The following RETSAT variants were observed in gnomAD, a reference collection of about 807,000 sequenced individuals.
RETSAT encodes the protein all-trans-retinol 13,14-reductase.
A neutral mutation model predicts 61.6 loss-of-function variants in RETSAT; 35 were observed. The ratio of observed to expected loss-of-function variants is 0.57; its 90% CI spans 0.43 to 0.75. The LOEUF (loss-of-function observed/expected upper bound fraction) is 0.75, where lower values mean the gene tolerates loss of function less well. Ranked by LOEUF, RETSAT falls within the 30% of genes least tolerant of loss-of-function variation. The pLI, the probability that RETSAT is intolerant of heterozygous loss-of-function variation, is 0.00. For missense variants in RETSAT, 670 were observed against 759.5 expected (o/e 0.88, Z 1.38); for synonymous variants, 277 against 310.4 (o/e 0.89, Z 1.13).
In RETSAT at chr2:85,348,580, G is replaced by A. The variant is rs557848432; in HGVS notation, c.997+804C>T. On this transcript the variant is annotated intron_variant, in intron 5 of 10. Transcript: ENST00000295802. ...CAGGAGGCGGAGCTTGCAGTGAGCC[G>A]AGATCACACCACTGGACTCCAGCCT... Among the ~76,000 whole-genome samples the A allele has an allele frequency of 6.5e-4, 82 of 125,744 alleles. 1 individual carries two copies. The highest frequency in any genetic ancestry group is 2.3e-3 in the African/African-American group (74 of 32,866). 82.5% of individuals were successfully genotyped at this position (125,744 alleles called of 152,430 possible).
At chr2:85,350,680 C>A in intron 3 of RETSAT, 100 bp downstream of exon 3, 4 of 1,367,184 alleles carry the variant, frequency 2.9e-6, no homozygotes, top group Non-Finnish European at 4.1e-6. Flanking sequence ...TCCCTTCCTG[C>A]CTCCCGCACT....
chr2:85,349,616 A>G (rs1683265792), intron 4 of RETSAT, 35 bp from the exon 5 acceptor site: 2 of 1,554,030 alleles, frequency 1.3e-6, no homozygotes, highest in Non-Finnish European at 1.8e-6. Flanking sequence ...AGCTGGCAAG[A>G]GAAGGCACCA....
intron 1 of RETSAT, 109 bp downstream of exon 1, chr2:85,354,227 T>C (rs1173278290): frequency 3.4e-6 from 4 of 1,188,490 alleles, no homozygotes; most frequent in Admixed American, 1.9e-5. Context: ...ACTTTACATA[T>C]GGGGAAACTA....
chr2:85,353,837 T>C (rs1323587250), intron 1 of RETSAT, among the ~76,000 whole-genome samples: 1 of 152,234 alleles, frequency 6.6e-6, no homozygotes, highest in Non-Finnish European at 1.5e-5. Context: ...TGAGGCGCCT[T>C]GTTGAACCTC....
chr2:85,351,327 A>T, intron 2 of RETSAT: 1 of 449,364 alleles, frequency 2.2e-6, no homozygotes. Context: ...GGAGTTCGAG[A>T]CCAGCCTGGA....
At chr2:85,350,299 C>T in intron 3 of RETSAT, 58 bp from the exon 4 acceptor site, 1 of 1,320,778 alleles carries the variant, frequency 7.6e-7, no homozygotes, top group Non-Finnish European at 1.1e-6. Flanking sequence ...GACAGAACTG[C>T]TATCCCCATA....
chr2:85,344,224 G>A lies in RETSAT; in HGVS notation c.1366+15C>T. ...CCTCTCCCTCCACCCCCTCACCCGG[G>A]ACGTGCAGCCCCACCTGGGAATCGG... On this transcript the variant is annotated intron_variant, in intron 8 of 10. Coordinates refer to ENST00000295802, the MANE Select transcript of RETSAT (RefSeq NM_017750.4). 6.2e-7 allele frequency: 1 copy of A among 1,614,136 alleles called. No homozygotes were observed. The highest frequency in any genetic ancestry group is 8.5e-7 in the Non-Finnish European group (1 of 1,180,000).
intron 3 of RETSAT, 31 bp from the exon 4 acceptor site, chr2:85,350,272 A>ATT: frequency 4.5e-6 from 7 of 1,540,938 alleles, no homozygotes; most frequent in Non-Finnish European, 6.3e-6. Flanking sequence ...AGCAGGCCTC[A>ATT]CCTCTAGAAC....
At position 85,349,519 on chromosome 2, in the gene RETSAT, C is replaced by T; in HGVS notation, c.862G>A (p.Gly288Arg). The T allele has an allele frequency of 6.2e-7, 1 of 1,614,200 alleles. No individual in the cohort carries two copies. Among genetic ancestry groups the T allele is most frequent in the South Asian group, 1.1e-5 (1 of 91,088 alleles). The change falls in exon 5 of 11, where the codon GGA becomes AGA. Residue 288 changes from glycine to arginine, a missense_variant. Physicochemically the swap from Gly to Arg is moderately radical, Grantham distance 125 (BLOSUM62 -2). Transcript: ENST00000295802. ...HALLVNHYMK[G>R]GFYPRGGSSE... ...GAACCCCCTCGGGGATAAAAGCCTC[C>T]TTTCATGTAGTGGTTGACCAGCAGG...
rs1276892020 is a variant in RETSAT at position 85,349,496 on chromosome 2, A to AC, written c.884dup (p.Ser296PhefsTer3). Reference sequence around the variant, plus strand: ...TGGTGTGGAAGGCAATTTCACTGGAACCCCCTCGGGGATAAAAGCCTCCTT... The same window carrying AC: ...TGGTGTGGAAGGCAATTTCACTGGAACCCCCCTCGGGGATAAAAGCCTCCTT... On this transcript the variant is annotated frameshift_variant, in exon 5 of 11. Transcript: ENST00000295802. LOFTEE classifies it high-confidence loss of function. 2 of 1,613,990 alleles carry AC rather than the reference A, an allele frequency of 1.2e-6. No individual in the cohort carries two copies. The highest frequency in any genetic ancestry group is 4.5e-5 in the East Asian group (2 of 44,870).
In RETSAT at chr2:85,350,658, T is replaced by G. The variant is rs959700129; in HGVS notation, c.597+122A>C. The G allele has an allele frequency of 2.7e-6, 3 of 1,127,582 alleles. No individual in the cohort carries two copies. The African/African-American group carries it at 4.7e-5, about 18-fold the overall frequency. 69.8% of individuals were successfully genotyped at this position (1,127,582 alleles called of 1,614,324 possible). On this transcript the variant is annotated intron_variant, in intron 3 of 10. Transcript: ENST00000295802. ...GGGTGGAGGCTGAGCTAAGAACAGATGTGACTCTTCCTCCCTTCCTGCCTC... is the reference window on the plus strand; with the variant it reads ...GGGTGGAGGCTGAGCTAAGAACAGAGGTGACTCTTCCTCCCTTCCTGCCTC...
At position 85,350,235 on chromosome 2, in the gene RETSAT, A is replaced by T. The variant is rs199566957; in HGVS notation, c.604T>A (p.Ser202Thr). 1.1e-5 allele frequency: 18 copies of T among 1,613,520 alleles called. No individual in the cohort carries two copies. In the East Asian group the frequency reaches 3.8e-4, roughly 34 times the overall value. ...DKYIKLVKVV[S>T]SGAPHAILLK... Reference sequence around the variant, plus strand: ...AGGATGGCATGAGGGGCTCCACTGGATACCACCTGGGGGAGTGAATGAGGA... The same window carrying T: ...AGGATGGCATGAGGGGCTCCACTGGTTACCACCTGGGGGAGTGAATGAGGA... Residue 202 changes from serine (S) to threonine (T), a missense_variant, in exon 4 of 11, where the codon TCC becomes ACC. Coordinates refer to ENST00000295802, the MANE Select transcript of RETSAT (RefSeq NM_017750.4).
intron 5 of RETSAT, among the ~76,000 whole-genome samples, chr2:85,348,617 C>A (rs1177336437): frequency 9.2e-6 from 1 of 108,554 alleles, no homozygotes; most frequent in African/African-American, 3.8e-5. Flanking sequence ...GGCAACAGAG[C>A]GAGACTCCAA....
At chr2:85,346,746 C>T (rs1877956) in intron 5 of RETSAT, among the ~76,000 whole-genome samples, 1,775 of 151,948 alleles carry the variant, frequency 0.012, 140 homozygotes, top group Admixed American at 0.1. Context: ...AGAGTGAGAC[C>T]GTGTATCTAA....
At position 85,349,570 on chromosome 2, in the gene RETSAT, TG is replaced by T; in HGVS notation, c.810del (p.Asn271ThrfsTer16). 6.2e-7 allele frequency: 1 copy of T among 1,614,048 alleles called. No homozygotes were observed. The highest frequency in any genetic ancestry group is 8.5e-7 in the Non-Finnish European group (1 of 1,179,964). On this transcript the variant is annotated frameshift_variant, in exon 5 of 11. Coordinates refer to ENST00000295802, the MANE Select transcript of RETSAT (RefSeq NM_017750.4). LOFTEE classifies it high-confidence loss of function. ...GCGTGCATGGAAAAGGCACTGTGGT[TG>T]GGGGTGACACCTGCAGAAGCAAGGA... ...SYIFPTYGVT[P>X]NHSAFSMHAL...
Position 85,350,200 on chromosome 2 carries a change from G to A in RETSAT, c.639C>T (p.Phe213=), listed in dbSNP as rs754332461. The A allele has an allele frequency of 3.1e-6, 5 of 1,613,940 alleles. No individual in the cohort carries two copies. In the East Asian group the frequency reaches 8.9e-5, roughly 29 times the overall value. ...SGAPHAILLK[F]LPLPVVQLLD... ...GGAGCTGAACCACGGGCAATGGGAG[G>A]AATTTCAACAGGATGGCATGAGGGG... Residue 213 remains phenylalanine, a synonymous_variant, in exon 4 of 11, where the codon TTC becomes TTT. Transcript: ENST00000295802.
intron 2 of RETSAT, 134 bp downstream of exon 2, chr2:85,351,546 C>T: frequency 1.1e-6 from 1 of 918,704 alleles, no homozygotes; most frequent in Non-Finnish European, 1.7e-6. Context: ...CTGAAACAAA[C>T]AAAGAAAAAA....
intron 1 of RETSAT, 115 bp downstream of exon 1, chr2:85,354,221 T>C: frequency 8.7e-7 from 1 of 1,144,424 alleles, no homozygotes; most frequent in Non-Finnish European, 1.3e-6. Flanking sequence ...CCTAGTACTT[T>C]ACATATGGGG....
rs1470489068 is a variant in RETSAT, at chr2:85,342,117, AATTT to A, written c.*1121_*1124del. The A allele has an allele frequency of 6.3e-6, 2 of 315,910 alleles. No individual in the cohort carries two copies. Among genetic ancestry groups the A allele is most frequent in the African/African-American group, 4.3e-5 (2 of 46,290 alleles). 19.6% of individuals were successfully genotyped at this position (315,910 alleles called of 1,614,324 possible). A position where few individuals can be genotyped will look rare whatever the true frequency, so the allele number is the denominator to read the frequency against. Reference sequence around the variant, plus strand: ...AAATGTTAAAGCAATGGAATCAATAAATTTATTAATGTTACATTAACACGAACTA... The same window carrying A: ...AAATGTTAAAGCAATGGAATCAATAAATTAATGTTACATTAACACGAACTA... On this transcript the variant is annotated 3_prime_UTR_variant, in exon 11 of 11. Transcript: ENST00000295802.
Sources: allele counts gnomAD v4.1 joint callset (sites outside exome capture counted in the v4.1 genomes callset), GRCh38; gene constraint gnomAD v4.1.1; transcripts MANE v1.5; gene names NCBI Gene and HGNC (gene_info 2026-07-23, HGNC 2026-07-21).